The following KLRD1 variants were observed in gnomAD, a reference collection of about 807,000 sequenced individuals.
KLRD1 encodes the protein killer cell lectin like receptor D1, also known as natural killer cells antigen CD94.
In KLRD1, 21 loss-of-function variants were observed where a neutral mutation model predicts 22.6. That is an observed-to-expected ratio of 0.93 (90% CI 0.66 to 1.34). The LOEUF (loss-of-function observed/expected upper bound fraction) is 1.34. Among genes scored for constraint, KLRD1 ranks in the 40% most tolerant of loss-of-function variants. KLRD1 has a pLI of 0.00. For synonymous variants in KLRD1, 59 were observed against 71.1 expected (o/e 0.83, Z 0.85); for missense variants, 183 against 208.6 (o/e 0.88, Z 0.76).
At chr12:10,278,718 T>C (rs1160428769) in intron 1 of KLRD1, among the ~76,000 whole-genome samples, 1 of 152,206 alleles carries the variant, frequency 6.6e-6, no homozygotes, top group Non-Finnish European at 1.5e-5. Context: ...GCCACTTAAG[T>C]AAAGTTATTT....
intron 1 of KLRD1, among the ~76,000 whole-genome samples, chr12:10,248,248 CTA>C (rs1949310995): frequency 6.6e-6 from 1 of 151,936 alleles, no homozygotes; most frequent in Admixed American, 6.6e-5. Flanking sequence ...AAAAAAAAAT[CTA>C]TGAGACTTTT....
At chr12:10,263,255 A>T (rs556623656) in intron 1 of KLRD1, among the ~76,000 whole-genome samples, 1 of 151,996 alleles carries the variant, frequency 6.6e-6, no homozygotes, top group Non-Finnish European at 1.5e-5. Context: ...TACACTTTCA[A>T]TCATCTTCAG....
chr12:10,256,794 T>A (rs1949400488), intron 1 of KLRD1, among the ~76,000 whole-genome samples: 1 of 152,082 alleles, frequency 6.6e-6, no homozygotes, highest in South Asian at 2.1e-4. Flanking sequence ...TTACCAGAGA[T>A]CTTTATATCT....
At chr12:10,286,545 A>G (rs1169546512) in intron 1 of KLRD1, among the ~76,000 whole-genome samples, 2 of 151,916 alleles carry the variant, frequency 1.3e-5, no homozygotes, top group African/African-American at 4.8e-5. Flanking sequence ...CACTTTTGAC[A>G]TCTTGTATTT....
intron 1 of KLRD1, among the ~76,000 whole-genome samples, chr12:10,293,173 T>TATATATATATAC (rs1172260692): frequency 5.8e-5 from 1 of 17,364 alleles, no homozygotes; most frequent in African/African-American, 1.5e-4. Flanking sequence ...TATATACACA[T>TATATATATATAC]ATACACATAA....
intron 1 of KLRD1, among the ~76,000 whole-genome samples, chr12:10,275,164 A>G (rs112154523): frequency 0.012 from 1,821 of 152,290 alleles, 37 homozygotes; most frequent in African/African-American, 0.042. Flanking sequence ...TGCTGAGATT[A>G]TAGGCGTGAG....
chr12:10,264,808 G>A (rs570147255), intron 1 of KLRD1, among the ~76,000 whole-genome samples: 12 of 151,408 alleles, frequency 7.9e-5, no homozygotes, highest in Admixed American at 2.6e-4. Flanking sequence ...GATTTTATTC[G>A]TCTTTTAACT....
At chr12:10,276,593 A>G (rs545440078) in intron 1 of KLRD1, among the ~76,000 whole-genome samples, 111 of 151,724 alleles carry the variant, frequency 7.3e-4, no homozygotes, top group African/African-American at 2.6e-3. Context: ...CAATGGCATG[A>G]TCTCTGCTCA....
rs1565479533 is a variant in KLRD1 at position 10,324,828 on chromosome 12, A to ATATATATATATATATAT, written c.*10050_*10051insATTATATATATATATAT. The ATATATATATATATATAT allele has an allele frequency of 7.2e-6, 1 of 138,796 alleles. No individual in the cohort carries two copies. The highest frequency in any genetic ancestry group is 2.6e-5 in the African/African-American group (1 of 38,842). 8.6% of individuals were successfully genotyped at this position (138,796 alleles called of 1,614,324 possible). A position where few individuals can be genotyped will look rare whatever the true frequency, so the allele number is the denominator to read the frequency against. ...TATATGTGTGTGTGTGTATATATAT[A>ATATATATATATATATAT]TATATATATATATATTCATTTACAC... is the stretch of plus-strand genomic sequence containing the variant. On this transcript the variant is annotated 3_prime_UTR_variant, in exon 6 of 6. Transcript: ENST00000336164.
intron 1 of KLRD1, among the ~76,000 whole-genome samples, chr12:10,287,129 C>T (rs944257904): frequency 4.6e-5 from 7 of 151,562 alleles, no homozygotes; most frequent in African/African-American, 1.5e-4. Context: ...GAGTGAGACT[C>T]TGTCTCAAAA....
intron 1 of KLRD1, among the ~76,000 whole-genome samples, chr12:10,246,570 A>G (rs1031241318): frequency 7.0e-4 from 106 of 152,140 alleles, no homozygotes; most frequent in Admixed American, 2.2e-3. Context: ...AATTTACACT[A>G]TGGTGTATAG....
intron 1 of KLRD1, among the ~76,000 whole-genome samples, chr12:10,298,888 C>A (rs1157296835): frequency 6.6e-6 from 1 of 152,124 alleles, no homozygotes; most frequent in African/African-American, 2.4e-5. Context: ...GGCTGTGAGA[C>A]CCCAGATTTC....
intron 1 of KLRD1, among the ~76,000 whole-genome samples, chr12:10,256,425 G>GT (rs139328118): frequency 0.024 from 3,088 of 130,884 alleles, 156 homozygotes; most frequent in African/African-American, 0.089. Context: ...GTGATTAGCT[G>GT]TTTTTTTTTT....
At chr12:10,269,442 C>T (rs749778722) in intron 1 of KLRD1, among the ~76,000 whole-genome samples, 36 of 152,160 alleles carry the variant, frequency 2.4e-4, no homozygotes, top group Admixed American at 4.6e-4. Flanking sequence ...TGAGCCACCA[C>T]GCTCAGCCTC....
chr12:10,295,813 C>T (rs74060323), intron 1 of KLRD1, among the ~76,000 whole-genome samples: 5,820 of 152,150 alleles, frequency 0.038, 379 homozygotes, highest in African/African-American at 0.13. Flanking sequence ...ACTTATTCAA[C>T]ATTCTTACAG....
chr12:10,289,002 C>CTGTG (rs1453886163), intron 1 of KLRD1, among the ~76,000 whole-genome samples: 1 of 152,128 alleles, frequency 6.6e-6, no homozygotes, highest in African/African-American at 2.4e-5. Context: ...CTTTTACCTC[C>CTGTG]TGTGTCTCTT....
chr12:10,307,340 C>G (rs572884608), upstream of KLRD1, among the ~76,000 whole-genome samples: 11 of 152,186 alleles, frequency 7.2e-5, no homozygotes, highest in African/African-American at 2.6e-4. Context: ...AGTGGGAAAC[C>G]CATCCAGTTC....
rs554645474 is a variant in KLRD1, at chr12:10,319,193, T to G, written c.*4400T>G. 6.6e-6 allele frequency: 1 copy of G among 152,348 alleles called. No homozygotes were observed. Among genetic ancestry groups the G allele is most frequent in the African/African-American group, 2.4e-5 (1 of 41,580 alleles). The allele number at this position is 152,348 out of a possible 1,614,324, so 9.4% of individuals were successfully genotyped here. ...GTCCACAGGCCATAGTTTGCCAACA[T>G]GTGCCCAAGTATGTAAGATGAGAAT... On this transcript the variant is annotated 3_prime_UTR_variant, in exon 6 of 6. Transcript: ENST00000336164.
At chr12:10,276,866 T>C (rs1040808520) in intron 1 of KLRD1, among the ~76,000 whole-genome samples, 1 of 152,160 alleles carries the variant, frequency 6.6e-6, no homozygotes, top group Admixed American at 6.5e-5. Flanking sequence ...TAATTATTCT[T>C]TTCTGCATAC....
Sources: allele counts gnomAD v4.1 joint callset (sites outside exome capture counted in the v4.1 genomes callset), GRCh38; gene constraint gnomAD v4.1.1; transcripts MANE v1.5; gene names NCBI Gene and HGNC (gene_info 2026-07-23, HGNC 2026-07-21).